Variants in NEK7 observed in about 807,000 individuals in gnomAD.
NEK7 encodes the protein serine/threonine-protein kinase Nek7.
In NEK7, 18 loss-of-function variants were observed where a neutral mutation model predicts 44.6. That is an observed-to-expected ratio of 0.40 (90% confidence interval 0.28 to 0.60). The LOEUF is 0.60. NEK7 is among the 20% of genes least tolerant of loss of function. The pLI, the probability that NEK7 is intolerant of heterozygous loss-of-function variation, is 0.38. For missense variants in NEK7, 256 were observed against 366.5 expected, an observed-to-expected ratio of 0.70 and a Z score of 2.46; for synonymous variants, 130 against 121.1, an observed-to-expected ratio of 1.07 and a Z score of -0.48.
At chr1:198,209,052 T>C (rs867324086) in intron 1 of NEK7, among the ~76,000 whole-genome samples, 212 of 138,656 alleles carry the variant, frequency 1.5e-3, no homozygotes, top group Non-Finnish European at 2.1e-3. Flanking sequence ...TATATATATA[T>C]ATATATACAC....
At chr1:198,255,190 G>A (rs1307766961) in intron 3 of NEK7, among the ~76,000 whole-genome samples, 35 of 152,142 alleles carry the variant, frequency 2.3e-4, no homozygotes, top group Non-Finnish European at 7.3e-5. Flanking sequence ...CCAGACAGAG[G>A]AATTTGAACC....
At chr1:198,239,767 C>T (rs750813782) in intron 2 of NEK7, among the ~76,000 whole-genome samples, 3 of 152,024 alleles carry the variant, frequency 2.0e-5, no homozygotes, top group East Asian at 1.9e-4. Context: ...TGTACAGTCC[C>T]GAGTCACCTA....
intron 1 of NEK7, among the ~76,000 whole-genome samples, chr1:198,182,488 T>C (rs1016392881): frequency 2.0e-5 from 3 of 152,110 alleles, no homozygotes; most frequent in African/African-American, 7.2e-5. Flanking sequence ...ACCATGATTA[T>C]GGTTCACAAC....
intron 7 of NEK7, 105 bp downstream of exon 7, chr1:198,279,166 T>C: frequency 7.2e-6 from 5 of 694,762 alleles, no homozygotes; most frequent in Non-Finnish European, 1.2e-5. Flanking sequence ...AATAAAACTA[T>C]TTTAAAAATC....
intron 9 of NEK7, among the ~76,000 whole-genome samples, chr1:198,314,298 A>C (rs1363305971): frequency 1.3e-5 from 2 of 152,058 alleles, no homozygotes; most frequent in African/African-American, 2.4e-5. Context: ...TCCTTTAAGC[A>C]CTTCTCTGTA....
intron 3 of NEK7, among the ~76,000 whole-genome samples, chr1:198,257,794 T>C (rs1273579997): frequency 6.6e-6 from 1 of 152,164 alleles, no homozygotes; most frequent in Non-Finnish European, 1.5e-5. Context: ...CTTAAGCATT[T>C]CTAAGCAGAT....
intron 1 of NEK7, among the ~76,000 whole-genome samples, chr1:198,209,886 G>A (rs7531854): frequency 0.23 from 34,408 of 151,874 alleles, 5,052 homozygotes; most frequent in African/African-American, 0.41. Context: ...GCGTGATCTC[G>A]ACTTACTGCA....
intron 2 of NEK7, among the ~76,000 whole-genome samples, chr1:198,232,977 A>G (rs1245884494): frequency 1.3e-5 from 2 of 151,748 alleles, no homozygotes; most frequent in Non-Finnish European, 2.9e-5. Context: ...ATATTGTTTG[A>G]TAATGCTTAG....
intron 1 of NEK7, among the ~76,000 whole-genome samples, chr1:198,225,742 A>G (rs186924511): frequency 1.1e-4 from 17 of 152,106 alleles, no homozygotes; most frequent in African/African-American, 3.6e-4. Flanking sequence ...TACTGTTTTG[A>G]TGTGTTCTTT....
At chr1:198,314,568 C>G (rs1655290699) in intron 9 of NEK7, among the ~76,000 whole-genome samples, 1 of 152,162 alleles carries the variant, frequency 6.6e-6, no homozygotes, top group African/African-American at 2.4e-5. Flanking sequence ...GTGGTTTTAT[C>G]TACTTTTGGT....
chr1:198,235,640 A>G (rs934935065), intron 2 of NEK7, among the ~76,000 whole-genome samples: 1 of 152,202 alleles, frequency 6.6e-6, no homozygotes, highest in African/African-American at 2.4e-5. Context: ...TTTTGTGAGT[A>G]TTTTGATTTA....
chr1:198,307,836 G>A (rs951380903), intron 9 of NEK7, among the ~76,000 whole-genome samples: 6 of 152,058 alleles, frequency 3.9e-5, no homozygotes, highest in Admixed American at 3.9e-4. Context: ...TTTGAAATTA[G>A]TGTTACTAAT....
At chr1:198,232,719 C>T (rs2102874090) in intron 2 of NEK7, 82 bp downstream of exon 2, 2 of 756,010 alleles carry the variant, frequency 2.6e-6, no homozygotes, top group Non-Finnish European at 2.2e-6. Flanking sequence ...TTTACAGTTC[C>T]TTTAGGAAAT....
intron 2 of NEK7, among the ~76,000 whole-genome samples, chr1:198,240,410 C>A (rs1666651664): frequency 6.7e-6 from 1 of 148,696 alleles, no homozygotes; most frequent in South Asian, 2.1e-4. Flanking sequence ...AGCGATGGGG[C>A]AAAGATGAGG....
chr1:198,237,709 C>T (rs1307149055), intron 2 of NEK7, among the ~76,000 whole-genome samples: 4 of 152,182 alleles, frequency 2.6e-5, no homozygotes, highest in African/African-American at 9.7e-5. Context: ...CCCCTTTAAT[C>T]TATTCCCAAT....
At chr1:198,262,423 A>G (rs1471298043) in intron 3 of NEK7, 152 bp from the exon 4 acceptor site, 4 of 464,210 alleles carry the variant, frequency 8.6e-6, no homozygotes, top group African/African-American at 4.0e-5. Context: ...GTAACATAAG[A>G]TACCTACAGA....
intron 1 of NEK7, among the ~76,000 whole-genome samples, chr1:198,175,393 C>T (rs1424740501): frequency 1.3e-5 from 2 of 152,124 alleles, no homozygotes; most frequent in African/African-American, 4.8e-5. Context: ...ATAAATAATT[C>T]ATACTAATGA....
At chr1:198,221,753 A>G (rs1666082950) in intron 1 of NEK7, among the ~76,000 whole-genome samples, 1 of 152,010 alleles carries the variant, frequency 6.6e-6, no homozygotes, top group African/African-American at 2.4e-5. Flanking sequence ...TTTTCAATTC[A>G]AATGATATTT....
chr1:198,243,614 A>C (rs1666748612), intron 2 of NEK7, among the ~76,000 whole-genome samples: 1 of 152,216 alleles, frequency 6.6e-6, no homozygotes, highest in Non-Finnish European at 1.5e-5. Flanking sequence ...AATGATAATT[A>C]AATGCTACAT....
Sources: allele counts gnomAD v4.1 joint callset (sites outside exome capture counted in the v4.1 genomes callset), GRCh38; gene constraint gnomAD v4.1.1; transcripts MANE v1.5; gene names NCBI Gene and HGNC (gene_info 2026-07-23, HGNC 2026-07-21).